IAH1: variants seen among roughly 807,000 people sequenced by gnomAD.
IAH1 encodes isoamyl acetate hydrolyzing esterase 1 (putative).
Under a neutral mutation model 26.7 loss-of-function variants are expected in IAH1, and 24 were observed. The ratio of observed to expected loss-of-function variants is 0.90; its 90% CI spans 0.65 to 1.26. The LOEUF (loss-of-function observed/expected upper bound fraction) is 1.26. IAH1 is among the 50% of genes most tolerant of loss of function. The probability of loss-of-function intolerance (pLI) is 0.00; values close to 1 mark genes in which losing one functional copy is unlikely to be tolerated. For synonymous variants in IAH1, 140 were observed against 118.5 expected (o/e 1.18, Z -1.18); for missense variants, 300 against 299.9 (o/e 1.00, Z 0.00).
chr2:9,485,906 T>G (rs1006928953), intron 5 of IAH1: 1 of 151,870 alleles, frequency 6.6e-6, no homozygotes, highest in African/African-American at 2.4e-5. Flanking sequence ...CTGATGATAT[T>G]TGAAGTACTC....
chr2:9,476,472 G>A (rs1012500079), intron 2 of IAH1, among the ~76,000 whole-genome samples: 6 of 152,194 alleles, frequency 3.9e-5, no homozygotes, highest in East Asian at 1.9e-4. Flanking sequence ...TTTGTTTTGC[G>A]ACAGGGTCTC....
At chr2:9,498,765 G>A (rs1662802636), downstream of IAH1, among the ~76,000 whole-genome samples, 1 of 152,202 alleles carries the variant, frequency 6.6e-6, no homozygotes, top group Non-Finnish European at 1.5e-5. Flanking sequence ...GGTTTATATT[G>A]TGGATCATTA....
chr2:9,505,565 T>C, the IAH1 span: 1 of 588,584 alleles, frequency 1.7e-6, no homozygotes, highest in Non-Finnish European at 3.0e-6. Context: ...GAATGCTAAA[T>C]GGCTGATGTG....
At chr2:9,483,576 T>A (rs1661306296) in intron 4 of IAH1, among the ~76,000 whole-genome samples, 1 of 152,148 alleles carries the variant, frequency 6.6e-6, no homozygotes, top group Admixed American at 6.5e-5. Context: ...GTTGCCCATA[T>A]CCTCATGCTT....
rs772755598 is a variant in IAH1, at chr2:9,476,005, G to A, written c.100G>A (p.Gly34Arg). 8.1e-6 allele frequency: 13 copies of A among 1,613,712 alleles called. No individual in the cohort carries two copies. The highest frequency in any genetic ancestry group is 3.4e-4 in the Middle Eastern group (2 of 5,932). ...CCTCCAGTTTTCCTTCCAGCAGGGTGGATGGGGAGCATCGCTGGCTGACAG... is the reference window on the plus strand; with the variant it reads ...CCTCCAGTTTTCCTTCCAGCAGGGTAGATGGGGAGCATCGCTGGCTGACAG... ...SITQFSFQQG[G>R]WGASLADRLV... Residue 34 changes from glycine to arginine, a missense_variant, in exon 2 of 6, where the codon GGA (glycine) becomes AGA (arginine). Physicochemically the swap from Gly to Arg is moderately radical, Grantham distance 125 (BLOSUM62 -2). Transcript: ENST00000497473.
intron 1 of IAH1, 157 bp from the exon 2 acceptor site, chr2:9,475,830 G>A (rs1682458277): frequency 7.8e-6 from 5 of 644,242 alleles, no homozygotes; most frequent in Non-Finnish European, 1.4e-5. Flanking sequence ...GTGCTGCCAG[G>A]TGTACTTACC....
intron 4 of IAH1, among the ~76,000 whole-genome samples, chr2:9,482,836 C>G (rs138587185): frequency 1.3e-5 from 2 of 152,316 alleles, no homozygotes; most frequent in East Asian, 3.9e-4. Flanking sequence ...GACGTGGTGA[C>G]AGTAGGTTCT....
rs375154325 is a variant in IAH1 at position 9,477,764 on chromosome 2, G to A, written c.135-458G>A. Reference sequence around the variant, plus strand: ...TAACCGGTTTAAGTTGAAACACAACGAATGTATTTACTAAAACTATTTAAT... The same window carrying A: ...TAACCGGTTTAAGTTGAAACACAACAAATGTATTTACTAAAACTATTTAAT... On this transcript the variant is annotated intron_variant, in intron 2 of 5. Coordinates refer to ENST00000497473, the MANE Select transcript of IAH1 (RefSeq NM_001039613.3). 1.1e-4 allele frequency among the ~76,000 whole-genome samples: 16 copies of A among 151,674 alleles called. 1 individual carries two copies. In the South Asian group the frequency reaches 1.5e-3, roughly 14 times the overall value.
At chr2:9,512,250 A>G in the IAH1 span, 3 of 108,606 alleles carry the variant, frequency 2.8e-5, no homozygotes, top group African/African-American at 8.3e-5. Flanking sequence ...GGATTTGCTA[A>G]TGACTCTTAA....
downstream of IAH1, among the ~76,000 whole-genome samples, chr2:9,493,986 G>A (rs1163321415): frequency 1.3e-5 from 2 of 152,276 alleles, no homozygotes; most frequent in Admixed American, 6.5e-5. Context: ...GAGTACCCAA[G>A]AAAGTAGAAC....
chr2:9,506,100 A>G, the IAH1 span, among the ~76,000 whole-genome samples: 13 of 152,284 alleles, frequency 8.5e-5, no homozygotes, highest in South Asian at 2.1e-4. Context: ...AAGTTATCAA[A>G]AAAAGAAGAG....
downstream of IAH1, among the ~76,000 whole-genome samples, chr2:9,491,498 C>T (rs1452377888): frequency 3.9e-5 from 6 of 152,216 alleles, no homozygotes; most frequent in African/African-American, 1.4e-4. Context: ...ATGCTGGGTA[C>T]ACCAGGACCG....
At chr2:9,502,127 A>C in the IAH1 span, 4 of 1,505,434 alleles carry the variant, frequency 2.7e-6, no homozygotes, top group Non-Finnish European at 3.7e-6. Flanking sequence ...AAAGACACAC[A>C]CACACTTGAC....
chr2:9,508,694 A>G, the IAH1 span, among the ~76,000 whole-genome samples: 168 of 152,330 alleles, frequency 1.1e-3, no homozygotes, highest in African/African-American at 3.7e-3. Context: ...CCACTGGGCT[A>G]GTGGCTACTA....
At chr2:9,492,909 C>A (rs751073259), downstream of IAH1, 1 of 1,611,480 alleles carries the variant, frequency 6.2e-7, no homozygotes, top group Non-Finnish European at 8.5e-7. Flanking sequence ...ACACAATGGA[C>A]AAGAATGCTG....
At chr2:9,475,712 G>A in intron 1 of IAH1, 1 of 488,334 alleles carries the variant, frequency 2.0e-6, no homozygotes, top group Non-Finnish European at 3.7e-6. Flanking sequence ...TGTTGACCAG[G>A]CTGGTCTCGA....
chr2:9,497,063 G>T, downstream of IAH1: 11 of 1,594,202 alleles, frequency 6.9e-6, no homozygotes, highest in South Asian at 1.1e-5. Context: ...GAGCCTGGCA[G>T]ACAAAGGCCA....
chr2:9,509,207 C>T, the IAH1 span, among the ~76,000 whole-genome samples: 2 of 152,186 alleles, frequency 1.3e-5, no homozygotes, highest in Admixed American at 6.5e-5. Context: ...TTAAGCTCTC[C>T]CCACCGACCC....
At position 9,474,683 on chromosome 2, in the gene IAH1, C is replaced by T; in HGVS notation, c.81+36C>T. On this transcript the variant is annotated intron_variant, in intron 1 of 5. Transcript: ENST00000497473. The surrounding 1 kb of genome is among the most constrained non-coding windows in gnomAD (Gnocchi z 4.3). ...CCCGACGCTCGGCCTCCCGCCCCGG[C>T]CTCCCTGCGGGGTCGCTGCCGAGCA... The T allele has an allele frequency of 1.4e-6, 2 of 1,463,932 alleles. No homozygotes were observed. The highest frequency in any genetic ancestry group is 9.2e-7 in the Non-Finnish European group (1 of 1,085,196). The allele number at this position is 1,463,932 out of a possible 1,614,324, so 90.7% of individuals were successfully genotyped here.
Sources: allele counts gnomAD v4.1 joint callset (sites outside exome capture counted in the v4.1 genomes callset), GRCh38; gene constraint gnomAD v4.1.1; non-coding constraint Gnocchi (gnomAD v3.1); transcripts MANE v1.5; gene names NCBI Gene and HGNC (gene_info 2026-07-23, HGNC 2026-07-21).